PIAS1: variants seen among roughly 807,000 people sequenced by gnomAD.
The protein encoded by PIAS1 is protein inhibitor of activated STAT 1.
Under a neutral mutation model 71.3 loss-of-function variants are expected in PIAS1, and 6 were observed. The observed-to-expected ratio is 0.08, with a 90% CI of 0.05 to 0.17. The LOEUF is 0.17. Ranked by LOEUF, PIAS1 falls within the 10% of genes least tolerant of loss-of-function variation. The pLI is 1.00. For missense variants in PIAS1, 555 were observed against 793.6 expected (o/e 0.70, Z 3.61); for synonymous variants, 303 against 292.9 (o/e 1.03, Z -0.35).
chr15:68,132,212 C>T (rs1036949358), intron 2 of PIAS1, among the ~76,000 whole-genome samples: 3 of 152,086 alleles, frequency 2.0e-5, no homozygotes, highest in African/African-American at 7.2e-5. Context: ...GGCATGGTGG[C>T]TCACACCTGT....
chr15:68,150,882 A>AT (rs1326703845), intron 6 of PIAS1, among the ~76,000 whole-genome samples: 1 of 152,160 alleles, frequency 6.6e-6, no homozygotes, highest in East Asian at 1.9e-4. Flanking sequence ...GAAAAAAAAA[A>AT]TTCAGAGTCC....
At chr15:68,158,885 G>A (rs1321508860) in intron 7 of PIAS1, among the ~76,000 whole-genome samples, 1 of 152,110 alleles carries the variant, frequency 6.6e-6, no homozygotes, top group Non-Finnish European at 1.5e-5. Context: ...GTCCCATATG[G>A]TAGCCACCAG....
intron 1 of PIAS1, among the ~76,000 whole-genome samples, chr15:68,078,012 A>G (rs1195430142): frequency 2.0e-5 from 3 of 152,136 alleles, no homozygotes; most frequent in East Asian, 1.9e-4. Context: ...TATACTGTTC[A>G]TTGTCTCTTG....
chr15:68,072,097 A>G (rs1358989386), intron 1 of PIAS1, among the ~76,000 whole-genome samples: 2 of 149,940 alleles, frequency 1.3e-5, no homozygotes, highest in Non-Finnish European at 3.0e-5. Flanking sequence ...TAAGAGAGTA[A>G]TAAGAGTTAA....
At chr15:68,109,303 A>G (rs976669631) in intron 2 of PIAS1, among the ~76,000 whole-genome samples, 1 of 152,108 alleles carries the variant, frequency 6.6e-6, no homozygotes, top group Admixed American at 6.5e-5. Context: ...ACACTGCCCT[A>G]TTATTTCCAT....
intron 2 of PIAS1, among the ~76,000 whole-genome samples, chr15:68,093,102 G>A (rs2092346125): frequency 6.6e-6 from 1 of 152,176 alleles, no homozygotes; most frequent in Non-Finnish European, 1.5e-5. Context: ...CTTTTATGAA[G>A]ATATTTGAGT....
chr15:68,057,893 C>T (rs1424994032), intron 1 of PIAS1, among the ~76,000 whole-genome samples: 2 of 152,172 alleles, frequency 1.3e-5, no homozygotes, highest in Non-Finnish European at 2.9e-5. Flanking sequence ...TTTCATCCAC[C>T]GTTTTCTCCT....
intron 2 of PIAS1, among the ~76,000 whole-genome samples, chr15:68,109,342 T>C (rs2092501575): frequency 6.6e-6 from 1 of 152,240 alleles, no homozygotes; most frequent in Non-Finnish European, 1.5e-5. Context: ...CATACTTTAC[T>C]ATGTGTATTA....
chr15:68,114,058 A>G (rs1460791804), intron 2 of PIAS1, among the ~76,000 whole-genome samples: 1 of 112,154 alleles, frequency 8.9e-6, no homozygotes. Flanking sequence ...ACACACACAC[A>G]CACTTATATA....
Position 68,125,708 on chromosome 15 carries a change from T to C in PIAS1, c.470-16238T>C, listed in dbSNP as rs1048126397. On this transcript the variant is annotated intron_variant, in intron 2 of 13. Coordinates refer to ENST00000249636, the MANE Select transcript of PIAS1 (RefSeq NM_016166.3). ...TTAGGCTGGTTTCCGATTTTTTTTT[T>C]CTCCTTTTTAGAGACAGGGTCTCAC... 2.0e-5 allele frequency among the ~76,000 whole-genome samples: 3 copies of C among 152,148 alleles called. No homozygotes were observed. In the East Asian group the frequency reaches 5.8e-4, roughly 29 times the overall value.
intron 2 of PIAS1, among the ~76,000 whole-genome samples, chr15:68,100,429 C>G (rs114191614): frequency 0.011 from 1,654 of 152,274 alleles, 30 homozygotes; most frequent in African/African-American, 0.036. Context: ...CCCACTCTCT[C>G]TAGCCCCAGT....
intron 2 of PIAS1, among the ~76,000 whole-genome samples, chr15:68,134,580 C>T (rs2092707844): frequency 2.3e-5 from 1 of 43,338 alleles, no homozygotes; most frequent in Non-Finnish European, 1.0e-4. Flanking sequence ...GCAGAGGCGC[C>T]CCCCACCCCC....
At chr15:68,184,443 G>GA (rs2093074498) in intron 13 of PIAS1, 1 of 152,230 alleles carries the variant, frequency 6.6e-6, no homozygotes, top group South Asian at 2.1e-4. Flanking sequence ...ACCAGACACA[G>GA]AAACATATCC....
intron 1 of PIAS1, among the ~76,000 whole-genome samples, chr15:68,055,472 T>C (rs1188741946): frequency 6.6e-6 from 1 of 152,112 alleles, no homozygotes; most frequent in Non-Finnish European, 1.5e-5. Context: ...GTAGCAGATA[T>C]ACCACTACAC....
chr15:68,084,381 T>C (rs1166046275), intron 1 of PIAS1, among the ~76,000 whole-genome samples: 1 of 152,196 alleles, frequency 6.6e-6, no homozygotes, highest in Non-Finnish European at 1.5e-5. Context: ...TTGAAGTCCC[T>C]GTTCCTTTTT....
rs551867511 is a variant in PIAS1 at position 68,054,416 on chromosome 15, G to A, written c.24+66G>A. The A allele has an allele frequency of 3.0e-5, 45 of 1,509,370 alleles. No homozygotes were observed. The Admixed American group carries it at 8.5e-4, about 28-fold the overall frequency. 93.5% of individuals were successfully genotyped at this position (1,509,370 alleles called of 1,614,324 possible). ...GAGACGGCGCCGCTGCTGCCAGGGG[G>A]GATGGGTCCGACCCTGGGGGGCCTC... On this transcript the variant is annotated intron_variant, in intron 1 of 13. Transcript: ENST00000249636. This position sits in a 1 kb window ranked among gnomAD's most constrained non-coding sequence, Gnocchi z 4.6.
At chr15:68,123,550 ATGGTTGTAC>A (rs1247060977) in intron 2 of PIAS1, among the ~76,000 whole-genome samples, 2 of 152,194 alleles carry the variant, frequency 1.3e-5, no homozygotes, top group Non-Finnish European at 2.9e-5. Context: ...AAGAAACAAC[ATGGTTGTAC>A]TAAAAAGTGC....
intron 1 of PIAS1, among the ~76,000 whole-genome samples, chr15:68,074,202 C>T (rs1163383308): frequency 6.6e-6 from 1 of 152,090 alleles, no homozygotes. Context: ...TTTGAAGTTA[C>T]GAGTGGATGA....
In PIAS1 at chr15:68,134,468, G is replaced by A. The variant is rs1475632093; in HGVS notation, c.470-7478G>A. Among the ~76,000 whole-genome samples the A allele has an allele frequency of 1.6e-3, 87 of 55,760 alleles. 35 individuals are homozygous for A. The highest frequency in any genetic ancestry group is 4.8e-3 in the Non-Finnish European group (68 of 14,092). The allele number at this position is 55,760 out of a possible 152,430, so 36.6% of individuals were successfully genotyped here. On this transcript the variant is annotated intron_variant, in intron 2 of 13. Transcript: ENST00000249636. The stretch of plus-strand genomic sequence containing the variant: ...CAGAGGCGCCCCTCACCTCCCGGAC[G>A]GGGCGGCTGGCCGGGCGGGGGGCTG...
Sources: allele counts gnomAD v4.1 joint callset (sites outside exome capture counted in the v4.1 genomes callset), GRCh38; gene constraint gnomAD v4.1.1; non-coding constraint Gnocchi (gnomAD v3.1); transcripts MANE v1.5; gene names NCBI Gene and HGNC (gene_info 2026-07-23, HGNC 2026-07-21).